The following CCDC148 variants were observed in gnomAD, a reference collection of about 807,000 sequenced individuals.
CCDC148 encodes coiled-coil domain containing 148.
A neutral mutation model predicts 85.7 loss-of-function variants in CCDC148; 89 were observed. The ratio of observed to expected loss-of-function variants is 1.04; its 90% confidence interval spans 0.87 to 1.24. CCDC148 has a LOEUF of 1.24. Ranked by LOEUF, CCDC148 falls within the 50% of genes most tolerant of loss-of-function variation. CCDC148 has a pLI of 0.00. For missense variants in CCDC148, 692 were observed against 671.7 expected (o/e 1.03, Z -0.33); for synonymous variants, 230 against 213.9 (o/e 1.08, Z -0.66).
intron 1 of CCDC148, among the ~76,000 whole-genome samples, chr2:158,449,577 T>C (rs1304047675): frequency 6.6e-6 from 1 of 152,030 alleles, no homozygotes; most frequent in Non-Finnish European, 1.5e-5. Context: ...GCCTTTCGAG[T>C]AGCTGGCACT....
chr2:158,292,575 G>A (rs1232826802), intron 9 of CCDC148, among the ~76,000 whole-genome samples: 5 of 152,132 alleles, frequency 3.3e-5, no homozygotes, highest in Admixed American at 2.0e-4. Context: ...ATCAAGACTC[G>A]AGTCTTTCTA....
At chr2:158,397,568 C>A (rs886236600) in intron 1 of CCDC148, among the ~76,000 whole-genome samples, 16 of 151,988 alleles carry the variant, frequency 1.1e-4, no homozygotes, top group African/African-American at 3.9e-4. Context: ...CTTTATATAC[C>A]AGCAAATGCT....
rs1449957880 is a variant in CCDC148, at chr2:158,456,734, T to C, written c.-295A>G. The C allele has an allele frequency of 4.5e-6, 2 of 446,590 alleles. No individual in the cohort carries two copies. The highest frequency in any genetic ancestry group is 4.0e-6 in the Non-Finnish European group (1 of 247,632). 27.7% of individuals were successfully genotyped at this position (446,590 alleles called of 1,614,324 possible). A position where few individuals can be genotyped will look rare whatever the true frequency, so the allele number is the denominator to read the frequency against. On this transcript the variant is annotated 5_prime_UTR_variant, in exon 1 of 14. Coordinates refer to ENST00000283233, the MANE Select transcript of CCDC148 (RefSeq NM_138803.4). ...CCACCCTCTCCAGGCCCTCTCGCGCTGAACAGCATCGGTCTCTATGGCGAC... is the reference window on the plus strand; with the variant it reads ...CCACCCTCTCCAGGCCCTCTCGCGCCGAACAGCATCGGTCTCTATGGCGAC...
intron 13 of CCDC148, among the ~76,000 whole-genome samples, chr2:158,175,143 C>T (rs1206873481): frequency 4.6e-5 from 7 of 151,986 alleles, no homozygotes; most frequent in Admixed American, 2.6e-4. Flanking sequence ...CACCCTCTTC[C>T]GCTTGGTCAA....
chr2:158,175,441 G>T (rs1174270873), intron 13 of CCDC148, among the ~76,000 whole-genome samples: 1 of 151,916 alleles, frequency 6.6e-6, no homozygotes, highest in Non-Finnish European at 1.5e-5. Context: ...CACCTTCTCT[G>T]ACTTCTCCAG....
In CCDC148 at chr2:158,456,313, A is replaced by G. The variant is rs149253061; in HGVS notation, c.25+102T>C. The G allele has an allele frequency of 1.2e-3, 1,454 of 1,173,860 alleles. 27 individuals are homozygous for G. In the East Asian group the frequency reaches 0.031, roughly 25 times the overall value. The allele number at this position is 1,173,860 out of a possible 1,614,324, so 72.7% of individuals were successfully genotyped here. A position where few individuals can be genotyped will look rare whatever the true frequency, so the allele number is the denominator to read the frequency against. Reference sequence around the variant, plus strand: ...AAAACGTTGAGGAAAGATCCACCCCAGGGAAGGGGGAGTGGCTGCAGAGAA... The same window carrying G: ...AAAACGTTGAGGAAAGATCCACCCCGGGGAAGGGGGAGTGGCTGCAGAGAA... On this transcript the variant is annotated intron_variant, in intron 1 of 13. Coordinates refer to ENST00000283233, the MANE Select transcript of CCDC148 (RefSeq NM_138803.4).
At chr2:158,287,536 ACAAGTC>A (rs1400333630) in intron 9 of CCDC148, among the ~76,000 whole-genome samples, 1 of 152,194 alleles carries the variant, frequency 6.6e-6, no homozygotes, top group African/African-American at 2.4e-5. Context: ...CAGGCCCCAC[ACAAGTC>A]CAAAATCCAG....
chr2:158,442,664 C>A (rs139650956), intron 1 of CCDC148, among the ~76,000 whole-genome samples: 1 of 152,326 alleles, frequency 6.6e-6, no homozygotes, highest in African/African-American at 2.4e-5. Context: ...ACTATAAGAA[C>A]ACAGCATTCC....
intron 1 of CCDC148, among the ~76,000 whole-genome samples, chr2:158,448,701 T>A (rs960894666): frequency 6.6e-6 from 1 of 152,140 alleles, no homozygotes; most frequent in Non-Finnish European, 1.5e-5. Context: ...GCTAAGATAT[T>A]GATAGAGATG....
chr2:158,353,972 T>A (rs1683475698), intron 2 of CCDC148, among the ~76,000 whole-genome samples: 1 of 152,210 alleles, frequency 6.6e-6, no homozygotes. Flanking sequence ...TGCTCCTGAA[T>A]GACCACTGGG....
intron 1 of CCDC148, among the ~76,000 whole-genome samples, chr2:158,400,363 A>C (rs149258843): frequency 0.011 from 1,693 of 152,298 alleles, 34 homozygotes; most frequent in African/African-American, 0.038. Context: ...AAACAGACAT[A>C]TAGACCAATG....
chr2:158,240,424 T>C (rs1029801414), intron 10 of CCDC148, among the ~76,000 whole-genome samples: 1 of 116,866 alleles, frequency 8.6e-6, no homozygotes, highest in African/African-American at 2.8e-5. Flanking sequence ...TCCAGTTAGA[T>C]CACTCTCTCT....
At chr2:158,256,298 A>G (rs1391875180) in intron 9 of CCDC148, among the ~76,000 whole-genome samples, 1 of 151,740 alleles carries the variant, frequency 6.6e-6, no homozygotes, top group Non-Finnish European at 1.5e-5. Context: ...TGGCTCATGC[A>G]GTTCTTTCAT....
In CCDC148 at chr2:158,365,416, T is replaced by C. The variant is rs530373019; in HGVS notation, c.26-6846A>G. Among the ~76,000 whole-genome samples, 353 of 152,178 alleles carry C rather than the reference T, an allele frequency of 2.3e-3. 1 individual carries two copies. Among genetic ancestry groups the C allele is most frequent in the African/African-American group, 8.0e-3 (333 of 41,512 alleles). On this transcript the variant is annotated intron_variant, in intron 1 of 13. Coordinates refer to ENST00000283233, the MANE Select transcript of CCDC148 (RefSeq NM_138803.4). ...GACTTGGAACCGACCCAAATTCCCATCAATGATAGACTGGATAAAGAAAAT... is the reference window on the plus strand; with the variant it reads ...GACTTGGAACCGACCCAAATTCCCACCAATGATAGACTGGATAAAGAAAAT...
intron 4 of CCDC148, 59 bp from the exon 5 acceptor site, chr2:158,340,452 A>C (rs1682624262): frequency 6.4e-7 from 1 of 1,570,408 alleles, no homozygotes; most frequent in African/African-American, 1.4e-5. Context: ...GTCTCCAAAA[A>C]CAGATCATTA....
chr2:158,223,102 T>C (rs1244396064), intron 10 of CCDC148, among the ~76,000 whole-genome samples: 1 of 152,002 alleles, frequency 6.6e-6, no homozygotes, highest in Non-Finnish European at 1.5e-5. Flanking sequence ...ACCTGGAAAA[T>C]CGGGTCACTC....
intron 11 of CCDC148, among the ~76,000 whole-genome samples, chr2:158,181,206 G>A (rs1221527098): frequency 6.6e-6 from 1 of 152,176 alleles, no homozygotes; most frequent in Non-Finnish European, 1.5e-5. Flanking sequence ...CTGCAACAAA[G>A]TTTTTGTCTG....
intron 1 of CCDC148, among the ~76,000 whole-genome samples, chr2:158,415,100 T>C (rs968232779): frequency 6.6e-6 from 1 of 151,756 alleles, no homozygotes; most frequent in Non-Finnish European, 1.5e-5. Flanking sequence ...CATTCTCACA[T>C]TGCTACAAAG....
intron 11 of CCDC148, among the ~76,000 whole-genome samples, chr2:158,188,160 A>T (rs1558967001): frequency 6.6e-6 from 1 of 151,990 alleles, no homozygotes; most frequent in Non-Finnish European, 1.5e-5. Flanking sequence ...AAAAGCAGAC[A>T]ATCAAGCTCC....
Sources: gnomAD v4.1 joint callset for allele counts (sites outside exome capture counted in the v4.1 genomes callset) on GRCh38, gnomAD v4.1.1 for gene constraint, MANE v1.5 for transcripts, NCBI Gene and HGNC (gene_info 2026-07-23, HGNC 2026-07-21) for gene names.